Variants in PRELID2 observed in about 807,000 individuals in gnomAD.
PRELID2 encodes the protein PRELI domain-containing protein 2.
In PRELID2, 25 loss-of-function variants were observed where a neutral mutation model predicts 28.4. The observed-to-expected ratio is 0.88, with a 90% CI of 0.64 to 1.23. The LOEUF (loss-of-function observed/expected upper bound fraction) is 1.23, where lower values mean the gene tolerates loss of function less well. Ranked by LOEUF, PRELID2 falls within the 50% of genes most tolerant of loss-of-function variation. PRELID2 has a pLI of 0.00. For synonymous variants in PRELID2, 76 were observed against 71.6 expected (o/e 1.06, Z -0.31); for missense variants, 201 against 214.4 (o/e 0.94, Z 0.39).
chr5:145,480,676 C>A (rs1752150473), intron 1 of PRELID2, among the ~76,000 whole-genome samples: 1 of 152,066 alleles, frequency 6.6e-6, no homozygotes, highest in Non-Finnish European at 1.5e-5. Context: ...AGTGCCAGAA[C>A]CAAGACTCCA....
the PRELID2 span, among the ~76,000 whole-genome samples, chr5:145,275,542 G>A: frequency 6.6e-6 from 1 of 152,056 alleles, no homozygotes; most frequent in Non-Finnish European, 1.5e-5. Flanking sequence ...GTGTTGGAAG[G>A]GTTGCATGAA....
intron 1 of PRELID2, among the ~76,000 whole-genome samples, chr5:145,502,459 G>A (rs1752368095): frequency 6.6e-6 from 1 of 152,100 alleles, no homozygotes; most frequent in Non-Finnish European, 1.5e-5. Flanking sequence ...TAAGATGAAA[G>A]GACAGAAATT....
chr5:145,824,454 G>T (rs557007629), intron 1 of PRELID2, among the ~76,000 whole-genome samples: 8 of 142,542 alleles, frequency 5.6e-5, no homozygotes, highest in African/African-American at 2.0e-4. Flanking sequence ...GTGTGTGTGT[G>T]TGTGTGTGTG....
At chr5:145,253,497 A>C in the PRELID2 span, among the ~76,000 whole-genome samples, 3 of 152,126 alleles carry the variant, frequency 2.0e-5, no homozygotes, top group African/African-American at 7.2e-5. Context: ...TCCATCTGAC[A>C]TCCATGCTTT....
At chr5:145,326,127 C>A in the PRELID2 span, among the ~76,000 whole-genome samples, 2 of 152,080 alleles carry the variant, frequency 1.3e-5, no homozygotes, top group Non-Finnish European at 2.9e-5. Flanking sequence ...CCCATCTCAG[C>A]CTAAGTACCT....
the PRELID2 span, among the ~76,000 whole-genome samples, chr5:145,330,432 T>C: frequency 1.3e-5 from 2 of 152,352 alleles, no homozygotes; most frequent in Non-Finnish European, 2.9e-5. Flanking sequence ...AGACTATTAA[T>C]TGCTGCCTCA....
At chr5:145,711,106 C>A (rs545695833) in intron 1 of PRELID2, among the ~76,000 whole-genome samples, 2 of 152,336 alleles carry the variant, frequency 1.3e-5, no homozygotes, top group South Asian at 4.1e-4. Context: ...AGGATCAATA[C>A]CTGCCATCTG....
chr5:145,365,949 G>A, the PRELID2 span, among the ~76,000 whole-genome samples: 1 of 151,792 alleles, frequency 6.6e-6, no homozygotes, highest in Non-Finnish European at 1.5e-5. Flanking sequence ...AATATAAGTG[G>A]TATAAAAAAG....
chr5:145,558,905 C>T (rs1247804086), intron 1 of PRELID2, among the ~76,000 whole-genome samples: 1 of 152,114 alleles, frequency 6.6e-6, no homozygotes, highest in Non-Finnish European at 1.5e-5. Context: ...AAACCAACTC[C>T]TAAGAATCTA....
the PRELID2 span, among the ~76,000 whole-genome samples, chr5:145,426,114 T>A: frequency 2.6e-5 from 4 of 152,194 alleles, no homozygotes; most frequent in African/African-American, 9.6e-5. Flanking sequence ...TTCTGGCAGA[T>A]GAGAGCTGGC....
chr5:145,530,400 G>A (rs1752644350), intron 1 of PRELID2, among the ~76,000 whole-genome samples: 1 of 152,056 alleles, frequency 6.6e-6, no homozygotes, highest in African/African-American at 2.4e-5. Context: ...AGAATCAGAG[G>A]AGGAGTTCCA....
chr5:145,644,167 AT>A (rs1561529731), intron 1 of PRELID2, among the ~76,000 whole-genome samples: 1 of 151,890 alleles, frequency 6.6e-6, no homozygotes. Context: ...TTGGTAGGCT[AT>A]TAATTACTGC....
intron 1 of PRELID2, among the ~76,000 whole-genome samples, chr5:145,676,228 A>AT (rs1754812903): frequency 6.8e-6 from 1 of 147,680 alleles, no homozygotes; most frequent in African/African-American, 2.6e-5. Context: ...CTCAAAAAAA[A>AT]AAAAAAAAAA....
intron 1 of PRELID2, among the ~76,000 whole-genome samples, chr5:145,625,379 C>A (rs1753831808): frequency 6.6e-6 from 1 of 151,950 alleles, no homozygotes; most frequent in South Asian, 2.1e-4. Context: ...TGTTATATAG[C>A]AATGAAAATG....
At chr5:145,653,643 A>G (rs567822543) in intron 1 of PRELID2, among the ~76,000 whole-genome samples, 1 of 152,254 alleles carries the variant, frequency 6.6e-6, no homozygotes, top group Admixed American at 6.5e-5. Flanking sequence ...CTGCTCCTGA[A>G]TGACCACTGG....
At chr5:145,412,926 C>T in the PRELID2 span, among the ~76,000 whole-genome samples, 76 of 152,246 alleles carry the variant, frequency 5.0e-4, no homozygotes, top group African/African-American at 1.6e-3. Flanking sequence ...CCTTATAAAA[C>T]CATCAGATCT....
At chr5:145,326,978 TCACAAACGCCTCC>T in the PRELID2 span, among the ~76,000 whole-genome samples, 1 of 18,792 alleles carries the variant, frequency 5.3e-5, no homozygotes, top group Non-Finnish European at 1.1e-4. Flanking sequence ...AAAGACACAG[TCACAAACGCCTCC>T]CAAAAGACAC....
chr5:145,295,029 C>T, the PRELID2 span, among the ~76,000 whole-genome samples: 1 of 152,106 alleles, frequency 6.6e-6, no homozygotes. Context: ...TATTGATTTC[C>T]TCAACCCCAG....
At chr5:145,306,158 T>C in the PRELID2 span, among the ~76,000 whole-genome samples, 2 of 152,194 alleles carry the variant, frequency 1.3e-5, no homozygotes, top group Non-Finnish European at 2.9e-5. Context: ...GTTAATGCAG[T>C]ATTTACAAAA....
Sources: gnomAD v4.1 joint callset for allele counts (sites outside exome capture counted in the v4.1 genomes callset) on GRCh38, gnomAD v4.1.1 for gene constraint, MANE v1.5 for transcripts, NCBI Gene and HGNC (gene_info 2026-07-23, HGNC 2026-07-21) for gene names.